CUL2: variants seen among roughly 807,000 people sequenced by gnomAD.
The protein encoded by CUL2 is cullin-2.
A neutral mutation model predicts 110.2 loss-of-function variants in CUL2; 22 were observed. The ratio of observed to expected loss-of-function variants is 0.20; its 90% CI spans 0.14 to 0.28. The LOEUF is 0.28. CUL2 is among the 10% of genes least tolerant of loss of function. CUL2 has a pLI of 1.00. For synonymous variants in CUL2, 279 were observed against 293.2 expected (o/e 0.95, Z 0.49); for missense variants, 631 against 905.5 (o/e 0.70, Z 3.89).
intron 2 of CUL2, chr10:35,099,549 G>A (rs183291762): frequency 1.0e-3 from 154 of 152,234 alleles, no homozygotes; most frequent in African/African-American, 3.5e-3. Flanking sequence ...TGGATCACCT[G>A]AGGTCACGAG....
intron 1 of CUL2, among the ~76,000 whole-genome samples, chr10:35,103,308 A>ATTTTTTTTTTTTTTT (rs67257350): frequency 4.1e-4 from 39 of 94,566 alleles, no homozygotes; most frequent in Non-Finnish European, 5.3e-4. Context: ...GGCCAAGCTA[A>ATTTTTTTTTTTTTTT]TTTTTTTTTT....
At chr10:35,061,741 C>T (rs1401420595) in intron 3 of CUL2, among the ~76,000 whole-genome samples, 1 of 150,580 alleles carries the variant, frequency 6.6e-6, no homozygotes, top group Admixed American at 6.6e-5. Flanking sequence ...GGAAACAGCA[C>T]ACAATCAATT....
At chr10:35,029,437 C>G in intron 15 of CUL2, 51 bp downstream of exon 15, 1 of 1,207,582 alleles carries the variant, frequency 8.3e-7, no homozygotes, top group Non-Finnish European at 1.1e-6. Flanking sequence ...TCATTTGTAT[C>G]AACGTACTGA....
At position 35,016,926 on chromosome 10, in the gene CUL2, C is replaced by CAA. The variant is rs1427211253; in HGVS notation, c.1685-534_1685-533dup. Among the ~76,000 whole-genome samples, 47 of 60,776 alleles carry CAA rather than the reference C, an allele frequency of 7.7e-4. 1 individual carries two copies. The South Asian group carries it at 0.011, about 14-fold the overall frequency. 39.9% of individuals were successfully genotyped at this position (60,776 alleles called of 152,430 possible). On this transcript the variant is annotated intron_variant, in intron 17 of 20. Transcript: ENST00000374749. The stretch of plus-strand genomic sequence containing the variant: ...CGGGTGACAGAGCGAGACTCTGTCT[C>CAA]AAAAAAAAAAAAAAAACAAAAAAAA...
intron 17 of CUL2, among the ~76,000 whole-genome samples, chr10:35,017,382 C>A (rs1564695640): frequency 6.6e-6 from 1 of 151,876 alleles, no homozygotes; most frequent in East Asian, 1.9e-4. Context: ...AACATTTAAT[C>A]TGAATGTTTT....
At chr10:35,042,709 GTTGT>G (rs1227938418) in intron 8 of CUL2, among the ~76,000 whole-genome samples, 2 of 152,144 alleles carry the variant, frequency 1.3e-5, no homozygotes, top group East Asian at 1.9e-4. Flanking sequence ...TCCTCAAGTG[GTTGT>G]TTATTTGTAT....
chr10:35,106,309 T>C (rs1411299277), intron 1 of CUL2, among the ~76,000 whole-genome samples: 2 of 151,674 alleles, frequency 1.3e-5, no homozygotes, highest in East Asian at 1.9e-4. Flanking sequence ...TTTTTGTTTT[T>C]TTTTTTGTGG....
chr10:35,071,233 A>C lies in CUL2; in HGVS notation c.85T>G (p.Tyr29Asp). 6.2e-7 allele frequency: 1 copy of C among 1,614,178 alleles called. No homozygotes were observed. Among genetic ancestry groups the C allele is most frequent in the African/African-American group, 1.3e-5 (1 of 75,064 alleles). ...TCATTCCATGTTGCTCTTTCGACGT[A>C]TTCCAACATGACCACGGCTTTTATT... ...TTIKAVVMLE[Y>D]VERATWNDRF... The change falls in exon 2 of 21, where the codon TAC (tyrosine) becomes GAC (aspartate). Residue 29 changes from tyrosine (Y) to aspartate (D), a missense_variant. Transcript: ENST00000374749.
intron 1 of CUL2, among the ~76,000 whole-genome samples, chr10:35,086,160 C>T (rs955404676): frequency 2.0e-5 from 3 of 151,536 alleles, no homozygotes; most frequent in African/African-American, 7.3e-5. Flanking sequence ...GATTGAGCCC[C>T]TGCACTCCAG....
chr10:35,013,719 T>C lies in CUL2; in HGVS notation c.1969A>G (p.Met657Val). 6.4e-7 allele frequency: 1 copy of C among 1,566,936 alleles called. No homozygotes were observed. Among genetic ancestry groups the C allele is most frequent in the Non-Finnish European group, 8.7e-7 (1 of 1,153,576 alleles). ...CTTACTTGTGGTGTGTCTTTCTGCA[T>C]TGATGTAGTAATTTTAAATTTTGTT... ...KRTKFKITTS[M>V]QKDTPQEMEQ... is the part of the protein sequence containing the mutation. The change falls in exon 19 of 21, where the codon ATG becomes GTG. Residue 657 changes from methionine to valine, a missense_variant. Met to Val is a conservative substitution (Grantham distance 21). Around this residue, in one of 3 missense-constraint regions of CUL2, gnomAD observed 159 missense variants for 202.7 expected, o/e 0.78. Coordinates refer to ENST00000374749, the MANE Select transcript of CUL2 (RefSeq NM_003591.4).
intron 6 of CUL2, among the ~76,000 whole-genome samples, chr10:35,046,440 T>C (rs573813086): frequency 2.6e-5 from 4 of 152,322 alleles, no homozygotes; most frequent in African/African-American, 9.6e-5. Context: ...AGAGTGGTGT[T>C]AGTGGAAAAA....
intron 2 of CUL2, among the ~76,000 whole-genome samples, chr10:35,096,809 C>CT (rs71523358): frequency 0.015 from 2,013 of 133,034 alleles, 25 homozygotes; most frequent in Non-Finnish European, 0.021. Flanking sequence ...TTCAGGTCCA[C>CT]TTTTTTTTTT....
At chr10:35,036,214 C>T (rs1252668831) in intron 9 of CUL2, among the ~76,000 whole-genome samples, 3 of 152,160 alleles carry the variant, frequency 2.0e-5, no homozygotes, top group East Asian at 3.8e-4. Flanking sequence ...ACAATTCTTT[C>T]GTGTCTGGCT....
At chr10:35,061,077 T>G (rs2086368987) in intron 3 of CUL2, 109 bp from the exon 4 acceptor site, 1 of 1,205,162 alleles carries the variant, frequency 8.3e-7, no homozygotes, top group East Asian at 2.6e-5. Flanking sequence ...TAATTCTAGC[T>G]GTACAAATTA....
intron 1 of CUL2, among the ~76,000 whole-genome samples, chr10:35,116,893 G>A (rs1228459883): frequency 6.6e-6 from 1 of 151,168 alleles, no homozygotes; most frequent in Non-Finnish European, 1.5e-5. Context: ...GGAGGTAGAG[G>A]TTGCAGTGAG....
intron 1 of CUL2, among the ~76,000 whole-genome samples, chr10:35,075,154 G>A (rs1349974148): frequency 9.2e-5 from 14 of 152,108 alleles, no homozygotes; most frequent in Admixed American, 9.2e-4. Context: ...ATGCTTGGAT[G>A]GATAGCAAAT....
In CUL2 at chr10:35,071,332, G is replaced by A; in HGVS notation, c.-15C>T. The A allele has an allele frequency of 6.2e-7, 1 of 1,604,704 alleles. No individual in the cohort carries two copies. The highest frequency in any genetic ancestry group is 8.5e-7 in the Non-Finnish European group (1 of 1,174,190). On this transcript the variant is annotated 5_prime_UTR_variant, in exon 2 of 21. Coordinates refer to ENST00000374749, the MANE Select transcript of CUL2 (RefSeq NM_003591.4). ...TTCAAAGACATTGTGCAAGTGTAGT[G>A]TTGAAATCTGTCAATTAAAAAACAA...
At chr10:35,047,543 G>A (rs1221313506) in intron 6 of CUL2, among the ~76,000 whole-genome samples, 10 of 148,882 alleles carry the variant, frequency 6.7e-5, no homozygotes, top group African/African-American at 9.9e-5. Flanking sequence ...CCAGCAGGCA[G>A]AAGTTGCAAT....
intron 1 of CUL2, among the ~76,000 whole-genome samples, chr10:35,079,097 T>C (rs960867708): frequency 4.6e-5 from 7 of 152,348 alleles, no homozygotes. Flanking sequence ...TGTTTTTTCA[T>C]ATACATACAT....
Sources: allele counts gnomAD v4.1 joint callset (sites outside exome capture counted in the v4.1 genomes callset), GRCh38; gene constraint gnomAD v4.1.1; regional missense constraint gnomAD v4.1.1; transcripts MANE v1.5; gene names NCBI Gene and HGNC (gene_info 2026-07-23, HGNC 2026-07-21).